LARGE1: variants seen among roughly 807,000 people sequenced by gnomAD.
LARGE1 encodes xylosyl- and glucuronyltransferase LARGE1.
A neutral mutation model predicts 87.6 loss-of-function variants in LARGE1; 43 were observed. The observed-to-expected ratio is 0.49, with a 90% CI of 0.38 to 0.63. The LOEUF (loss-of-function observed/expected upper bound fraction) is 0.63, where lower values mean the gene tolerates loss of function less well. LARGE1 is among the 30% of genes least tolerant of loss of function. The probability of loss-of-function intolerance (pLI) is 0.00; values close to 1 mark genes in which losing one functional copy is unlikely to be tolerated. For missense variants in LARGE1, 802 were observed against 1,000.2 expected, an observed-to-expected ratio of 0.80 and a Z score of 2.67; for synonymous variants, 434 against 394.6, an observed-to-expected ratio of 1.10 and a Z score of -1.18.
intron 2 of LARGE1, among the ~76,000 whole-genome samples, chr22:33,724,635 T>C (rs1305635662): frequency 6.6e-6 from 1 of 152,118 alleles, no homozygotes; most frequent in African/African-American, 2.4e-5. Flanking sequence ...TCCCAGAAAA[T>C]GGTGAACAAA....
intron 6 of LARGE1, among the ~76,000 whole-genome samples, chr22:33,451,322 G>A (rs1052531486): frequency 6.6e-6 from 1 of 151,874 alleles, no homozygotes; most frequent in East Asian, 1.9e-4. Flanking sequence ...TGACCACCAA[G>A]AAAAGAACGC....
the LARGE1 span, among the ~76,000 whole-genome samples, chr22:33,136,278 C>T: frequency 6.6e-6 from 1 of 152,202 alleles, no homozygotes; most frequent in Non-Finnish European, 1.5e-5. Context: ...CACGGTTCCA[C>T]ATGGCTGGGG....
At chr22:33,684,839 A>C (rs1208311328) in intron 2 of LARGE1, among the ~76,000 whole-genome samples, 1 of 152,176 alleles carries the variant, frequency 6.6e-6, no homozygotes, top group Non-Finnish European at 1.5e-5. Context: ...AACAAACCAT[A>C]GTTGATTCAG....
intron 11 of LARGE1, among the ~76,000 whole-genome samples, chr22:33,170,867 G>A (rs1336666844): frequency 1.3e-5 from 2 of 152,194 alleles, no homozygotes; most frequent in African/African-American, 4.8e-5. Flanking sequence ...TTGGAACTGG[G>A]TAACAGACAG....
chr22:33,458,145 C>T (rs1310995509), intron 6 of LARGE1, among the ~76,000 whole-genome samples: 1 of 146,090 alleles, frequency 6.8e-6, no homozygotes, highest in Non-Finnish European at 1.5e-5. Flanking sequence ...CTCACTCTGT[C>T]GTTCAGGCTG....
At chr22:33,305,581 A>G (rs2146182365) in intron 11 of LARGE1, 1 of 985,330 alleles carries the variant, frequency 1.0e-6, no homozygotes, top group South Asian at 4.7e-5. Flanking sequence ...TGCCCACTTT[A>G]TTCGGACGAT....
intron 9 of LARGE1, among the ~76,000 whole-genome samples, chr22:33,354,937 T>G (rs556569789): frequency 6.6e-6 from 1 of 152,196 alleles, no homozygotes; most frequent in East Asian, 1.9e-4. Context: ...AATACTTATG[T>G]TTTTCATAAG....
At chr22:33,646,616 G>A (rs573500158) in intron 3 of LARGE1, among the ~76,000 whole-genome samples, 2 of 151,766 alleles carry the variant, frequency 1.3e-5, no homozygotes, top group East Asian at 1.9e-4. Flanking sequence ...AAAAGTCAAC[G>A]AGTTCAAGAT....
At chr22:33,921,757 C>T (rs1275634052), upstream of LARGE1, among the ~76,000 whole-genome samples, 1 of 152,144 alleles carries the variant, frequency 6.6e-6, no homozygotes, top group African/African-American at 2.4e-5. The surrounding 1 kb of genome is among the most constrained non-coding windows in gnomAD (Gnocchi z 4.1). Context: ...CGGCGCGCAA[C>T]ATCCCTTGAA....
In LARGE1 at chr22:33,650,484, G is replaced by T. The variant is rs1386315054; in HGVS notation, c.291C>A (p.Asn97Lys). The change falls in exon 3 of 15, where the codon AAC (asparagine) becomes AAA (lysine). Residue 97 changes from asparagine (N) to lysine (K), a missense_variant. This residue lies in a region of LARGE1 where 177 missense variants were observed against 158.3 expected (regional missense o/e 1.12). Coordinates refer to ENST00000397394, the MANE Select transcript of LARGE1 (RefSeq NM_133642.5). Reference protein sequence around the residue: ...QGRAPSHRRGNHSKTYSMEEG... With the variant: ...QGRAPSHRRGKHSKTYSMEEG... ...CCTCCATGGAGTAGGTCTTGGAGTG[G>T]TTGCCTCGGCGATGGGATGGGGCTC... 2 of 1,613,766 alleles carry T rather than the reference G, an allele frequency of 1.2e-6. No individual in the cohort carries two copies. Among genetic ancestry groups the T allele is most frequent in the African/African-American group, 2.7e-5 (2 of 74,942 alleles).
At chr22:33,252,070 TAAA>T (rs1927032457) in intron 11 of LARGE1, among the ~76,000 whole-genome samples, 1 of 152,228 alleles carries the variant, frequency 6.6e-6, no homozygotes, top group Non-Finnish European at 1.5e-5. Context: ...TAAAGGCTAC[TAAA>T]TACATGGCAA....
intron 6 of LARGE1, among the ~76,000 whole-genome samples, chr22:33,468,118 T>C (rs1193308061): frequency 6.6e-6 from 1 of 152,204 alleles, no homozygotes; most frequent in Non-Finnish European, 1.5e-5. Context: ...GATGAGCGCA[T>C]GGAACACCAA....
At chr22:33,122,364 T>C in the LARGE1 span, among the ~76,000 whole-genome samples, 15 of 150,284 alleles carry the variant, frequency 1.0e-4, no homozygotes, top group South Asian at 3.0e-3. Context: ...TTTTTCTTTT[T>C]TTTTTTTTTT....
rs5998922 is a variant in LARGE1 at position 33,398,864 on chromosome 22, G to C, written c.893-14560C>G. The stretch of plus-strand genomic sequence containing the variant: ...GCCTGGTGCTACCAGAGCTGGAAGA[G>C]GCAAGGAAGAATCAGAAGAATTTTC... On this transcript the variant is annotated intron_variant, in intron 7 of 14. Coordinates refer to ENST00000397394, the MANE Select transcript of LARGE1 (RefSeq NM_133642.5). 8.8e-3 allele frequency among the ~76,000 whole-genome samples: 1,342 copies of C among 152,256 alleles called. 20 individuals carry two copies. Among genetic ancestry groups the C allele is most frequent in the African/African-American group, 0.031 (1,270 of 41,540 alleles).
At chr22:33,342,903 A>G (rs1200727451) in intron 9 of LARGE1, among the ~76,000 whole-genome samples, 3 of 152,244 alleles carry the variant, frequency 2.0e-5, no homozygotes, top group African/African-American at 7.2e-5. Flanking sequence ...AGGTATATTC[A>G]GGTTTACATT....
intron 6 of LARGE1, among the ~76,000 whole-genome samples, chr22:33,536,798 T>A (rs559573599): frequency 1.3e-5 from 2 of 152,166 alleles, no homozygotes; most frequent in East Asian, 3.9e-4. Context: ...TGAAAGGCCA[T>A]TTATTTTATT....
chr22:33,273,541 T>C lies in LARGE1; in HGVS notation c.*886A>G. 1 of 398,840 alleles carries C rather than the reference T, an allele frequency of 2.5e-6. No individual in the cohort carries two copies. Among genetic ancestry groups the C allele is most frequent in the Non-Finnish European group, 4.4e-6 (1 of 226,248 alleles). 24.7% of individuals were successfully genotyped at this position (398,840 alleles called of 1,614,324 possible). ...CTGCCAATAGAAAATGTGACCGGTG[T>C]AAAACAGCCAGCCCTCGTAATTCCG... On this transcript the variant is annotated 3_prime_UTR_variant, in exon 15 of 15. Transcript: ENST00000397394.
chr22:33,384,074 GCA>G (rs1478866539), intron 8 of LARGE1, 116 bp downstream of exon 8: 12 of 803,628 alleles, frequency 1.5e-5, no homozygotes, highest in Non-Finnish European at 2.4e-5. Flanking sequence ...CTGTATCAGA[GCA>G]CACAGAGTCA....
the LARGE1 span, among the ~76,000 whole-genome samples, chr22:33,084,542 C>A: frequency 2.6e-5 from 4 of 151,320 alleles, no homozygotes; most frequent in Non-Finnish European, 5.9e-5. Flanking sequence ...GTAGTCCCAG[C>A]TACTTGGGAG....
Sources: gnomAD v4.1 joint callset for allele counts (sites outside exome capture counted in the v4.1 genomes callset) on GRCh38, gnomAD v4.1.1 for gene constraint, gnomAD v4.1.1 regional missense constraint, Gnocchi (gnomAD v3.1) non-coding constraint, MANE v1.5 for transcripts, NCBI Gene and HGNC (gene_info 2026-07-23, HGNC 2026-07-21) for gene names.